MYOM2: variants seen among roughly 807,000 people sequenced by gnomAD.
The protein encoded by MYOM2 is myomesin-2.
A neutral mutation model predicts 187.6 loss-of-function variants in MYOM2; 254 were observed. That is an observed-to-expected ratio of 1.35 (90% CI 1.22 to 1.50). The LOEUF (loss-of-function observed/expected upper bound fraction) is 1.50. Among genes scored for constraint, MYOM2 ranks in the 40% most tolerant of loss-of-function variants. The pLI is 0.00. For missense variants in MYOM2, 2,796 were observed against 1,924.0 expected (o/e 1.45, Z -8.48); for synonymous variants, 981 against 753.8 (o/e 1.30, Z -4.94).
intron 25 of MYOM2, among the ~76,000 whole-genome samples, chr8:2,115,757 G>C (rs1240716475): frequency 1.3e-5 from 2 of 152,230 alleles, no homozygotes; most frequent in Non-Finnish European, 2.9e-5. Context: ...TCCTCACACA[G>C]CCAGGCTTTG....
intron 18 of MYOM2, among the ~76,000 whole-genome samples, chr8:2,096,683 G>A (rs771811569): frequency 1.1e-3 from 175 of 152,174 alleles, no homozygotes; most frequent in Non-Finnish European, 2.0e-3. Flanking sequence ...CATGACCTCT[G>A]GTGTGACCAG....
At chr8:2,070,562 C>A (rs921931473) in intron 8 of MYOM2, among the ~76,000 whole-genome samples, 1 of 152,130 alleles carries the variant, frequency 6.6e-6, no homozygotes, top group African/African-American at 2.4e-5. Context: ...TGGAGAGTTG[C>A]CCCAGGCACT....
intron 6 of MYOM2, among the ~76,000 whole-genome samples, chr8:2,065,901 C>A (rs756598925): frequency 1.1e-4 from 16 of 152,184 alleles, no homozygotes; most frequent in Non-Finnish European, 2.2e-4. Context: ...GGCTAAAACA[C>A]ACGGAGGAAG....
rs1038595179 is a variant in MYOM2, at chr8:2,059,201, C to T, written c.609C>T (p.Tyr203=). The change falls in exon 6 of 37, where the codon TAC becomes TAT. Residue 203 remains tyrosine (Y), a synonymous_variant. Coordinates refer to ENST00000262113, the MANE Select transcript of MYOM2 (RefSeq NM_003970.4). ...GCCAGGCGGCTGAACCGGGAAAGTACAGGATTGAGAGCAACTATGGCGTAC... is the reference window on the plus strand; with the variant it reads ...GCCAGGCGGCTGAACCGGGAAAGTATAGGATTGAGAGCAACTATGGCGTAC... ...LICQAAEPGK[Y]RIESNYGVHT... 2.5e-6 allele frequency: 4 copies of T among 1,614,192 alleles called. 1 individual carries two copies. Among genetic ancestry groups the T allele is most frequent in the Non-Finnish European group, 3.4e-6 (4 of 1,180,038 alleles).
At chr8:2,082,900 T>C (rs906382171) in intron 13 of MYOM2, among the ~76,000 whole-genome samples, 1 of 152,176 alleles carries the variant, frequency 6.6e-6, no homozygotes, top group Non-Finnish European at 1.5e-5. Context: ...GGGGAGGTTG[T>C]AGTTTCCTTA....
intron 21 of MYOM2, among the ~76,000 whole-genome samples, chr8:2,104,077 G>A (rs954956689): frequency 7.9e-5 from 12 of 152,162 alleles, no homozygotes; most frequent in Non-Finnish European, 1.6e-4. Context: ...GTTGTTCTTC[G>A]AATCGTCAAG....
At chr8:2,134,069 C>A (rs1486776823) in intron 32 of MYOM2, among the ~76,000 whole-genome samples, 2 of 152,172 alleles carry the variant, frequency 1.3e-5, no homozygotes, top group African/African-American at 2.4e-5. Context: ...CACCTTATAA[C>A]CATCAAAACC....
intron 28 of MYOM2, among the ~76,000 whole-genome samples, chr8:2,122,135 C>G (rs995630182): frequency 1.3e-5 from 2 of 152,160 alleles, no homozygotes; most frequent in South Asian, 2.1e-4. Flanking sequence ...ACTTAAGAGA[C>G]AGTAAGCAAT....
intron 14 of MYOM2, among the ~76,000 whole-genome samples, chr8:2,086,497 C>CCACTGTCGTGATCTCTGTGTGGCCCCA (rs1796076625): frequency 4.9e-5 from 7 of 141,902 alleles, no homozygotes; most frequent in Non-Finnish European, 7.8e-5. Context: ...GTGTGGCCCC[C>CCACTGTCGTGATCTCTGTGTGGCCCCA]CACTGTCGTG....
chr8:2,118,173 A>C (rs2294073), intron 28 of MYOM2, among the ~76,000 whole-genome samples: 16,642 of 152,160 alleles, frequency 0.11, 1,178 homozygotes, highest in South Asian at 0.23. Flanking sequence ...ATTACAGTGT[A>C]GTGGGATGCA....
intron 25 of MYOM2, among the ~76,000 whole-genome samples, chr8:2,114,659 G>C (rs1051247075): frequency 6.6e-6 from 1 of 152,100 alleles, no homozygotes; most frequent in African/African-American, 2.4e-5. Context: ...TAGTAGAGTT[G>C]GAGTTTCACC....
chr8:2,104,073 C>T (rs1209482879), intron 21 of MYOM2, among the ~76,000 whole-genome samples: 2 of 152,156 alleles, frequency 1.3e-5, no homozygotes, highest in East Asian at 3.8e-4. Flanking sequence ...AGGGGTTGTT[C>T]TTCGAATCGT....
At chr8:2,064,418 G>T (rs1818947302) in intron 6 of MYOM2, among the ~76,000 whole-genome samples, 1 of 152,216 alleles carries the variant, frequency 6.6e-6, no homozygotes, top group Non-Finnish European at 1.5e-5. Context: ...CCTTAGCGGG[G>T]CGCCTCCTGC....
chr8:2,141,672 T>A (rs1259633122), intron 34 of MYOM2, among the ~76,000 whole-genome samples: 3 of 152,156 alleles, frequency 2.0e-5, no homozygotes, highest in African/African-American at 7.2e-5. Flanking sequence ...ATGTTTTTGA[T>A]TGGAGGGCAG....
chr8:2,057,269 C>T, intron 3 of MYOM2, 79 bp from the exon 4 acceptor site: 1 of 1,506,824 alleles, frequency 6.6e-7, no homozygotes, highest in Non-Finnish European at 8.9e-7. Context: ...AGAGAATGGG[C>T]ATGCCCTTTC....
chr8:2,079,233 A>C (rs76005247), intron 12 of MYOM2, among the ~76,000 whole-genome samples: 1,745 of 152,240 alleles, frequency 0.011, 37 homozygotes, highest in African/African-American at 0.04. Context: ...ATATAATTTC[A>C]ACACATAATG....
intron 13 of MYOM2, among the ~76,000 whole-genome samples, chr8:2,082,932 C>G (rs1031516944): frequency 6.6e-6 from 1 of 152,100 alleles, no homozygotes; most frequent in Non-Finnish European, 1.5e-5. Context: ...GAACAAAATA[C>G]AGAAGTTGGA....
In MYOM2 at chr8:2,092,555, T is replaced by C. The variant is rs752718486; in HGVS notation, c.2003+35T>C. 3.1e-6 allele frequency: 5 copies of C among 1,607,152 alleles called. No individual in the cohort carries two copies. In the South Asian group the frequency reaches 5.5e-5, roughly 18 times the overall value. On this transcript the variant is annotated intron_variant, in intron 16 of 36. Coordinates refer to ENST00000262113, the MANE Select transcript of MYOM2 (RefSeq NM_003970.4). ...CCCTCCCCAGCCCTGGAGTCAGCCT[T>C]GCAGGAGTAGCAAGACCGTTGAGGT... is the stretch of plus-strand genomic sequence containing the variant.
chr8:2,076,366 T>C (rs3817700), intron 11 of MYOM2, 84 bp downstream of exon 11: 665,024 of 1,511,520 alleles, frequency 0.44, 150,153 homozygotes, highest in South Asian at 0.55. Context: ...TTTTTCTCAA[T>C]GCAGGTTGAC....
Sources: gnomAD v4.1 joint callset for allele counts (sites outside exome capture counted in the v4.1 genomes callset) on GRCh38, gnomAD v4.1.1 for gene constraint, MANE v1.5 for transcripts, NCBI Gene and HGNC (gene_info 2026-07-23, HGNC 2026-07-21) for gene names.